Variants in PTPN13 observed in about 807,000 individuals in gnomAD.
PTPN13 encodes the protein tyrosine-protein phosphatase non-receptor type 13.
Under a neutral mutation model 284.0 loss-of-function variants are expected in PTPN13, and 191 were observed. That is an observed-to-expected ratio of 0.67 (90% CI 0.60 to 0.76). PTPN13 has a LOEUF of 0.76. Among genes scored for constraint, PTPN13 ranks in the 30% least tolerant of loss-of-function variants. The pLI is 0.00. For synonymous variants in PTPN13, 986 were observed against 1,022.3 expected (o/e 0.96, Z 0.68); for missense variants, 2,797 against 2,939.9 (o/e 0.95, Z 1.12).
intron 10 of PTPN13, among the ~76,000 whole-genome samples, chr4:86,724,074 T>A (rs1024989177): frequency 6.6e-6 from 1 of 152,220 alleles, no homozygotes; most frequent in Non-Finnish European, 1.5e-5. Context: ...GATGCTGTTA[T>A]ATGACTTTAT....
chr4:86,676,492 A>C (rs1728285675), intron 3 of PTPN13, among the ~76,000 whole-genome samples: 1 of 152,244 alleles, frequency 6.6e-6, no homozygotes, highest in Admixed American at 6.5e-5. Context: ...CATATGGTCC[A>C]GCAACTCCAC....
Position 86,774,492 on chromosome 4 carries a change from A to G in PTPN13, c.5469A>G (p.Lys1823=), listed in dbSNP as rs1740374985. Residue 1823 remains lysine, a synonymous_variant, in exon 33 of 48, where the codon AAA becomes AAG. Coordinates refer to ENST00000411767, the MANE Select transcript of PTPN13 (RefSeq NM_080683.3). ...ATGATGTCATACAGGATCCAGCCAA[A>G]AGTGATGGAAGGCTAAAACCTGGGG... is the stretch of plus-strand genomic sequence containing the variant. ...YVHDVIQDPA[K]SDGRLKPGDR... is the part of the protein sequence containing the mutation. 7.5e-6 allele frequency: 12 copies of G among 1,604,490 alleles called. No homozygotes were observed. Among genetic ancestry groups the G allele is most frequent in the Non-Finnish European group, 1.0e-5 (12 of 1,175,292 alleles).
intron 2 of PTPN13, among the ~76,000 whole-genome samples, chr4:86,638,938 A>C (rs964183477): frequency 1.3e-5 from 2 of 152,206 alleles, no homozygotes; most frequent in African/African-American, 4.8e-5. Flanking sequence ...TCATCTGACA[A>C]AGGGCTAATA....
At chr4:86,675,820 T>A (rs1728214094) in intron 3 of PTPN13, among the ~76,000 whole-genome samples, 1 of 152,160 alleles carries the variant, frequency 6.6e-6, no homozygotes, top group Non-Finnish European at 1.5e-5. Context: ...TGTACTTATT[T>A]GACAATTCCT....
At chr4:86,753,634 A>G (rs1408653134) in intron 20 of PTPN13, among the ~76,000 whole-genome samples, 1 of 152,128 alleles carries the variant, frequency 6.6e-6, no homozygotes, top group Non-Finnish European at 1.5e-5. Context: ...GAAGGAATCT[A>G]AGAAACAAAA....
intron 7 of PTPN13, among the ~76,000 whole-genome samples, chr4:86,711,729 T>G (rs1306936139): frequency 1.3e-5 from 2 of 152,180 alleles, no homozygotes; most frequent in Non-Finnish European, 2.9e-5. Context: ...AAAAGAAATT[T>G]GCAAACCAAC....
At chr4:86,805,025 G>A (rs1744500452) in intron 43 of PTPN13, among the ~76,000 whole-genome samples, 1 of 151,996 alleles carries the variant, frequency 6.6e-6, no homozygotes, top group Non-Finnish European at 1.5e-5. Context: ...TTAAACAGAA[G>A]TTAAAAATTA....
At chr4:86,754,741 A>G (rs1737781046) in intron 20 of PTPN13, among the ~76,000 whole-genome samples, 1 of 152,098 alleles carries the variant, frequency 6.6e-6, no homozygotes, top group African/African-American at 2.4e-5. Context: ...TTTAGCTTAG[A>G]TTATGATGAA....
At chr4:86,798,433 A>G (rs1275799324) in intron 41 of PTPN13, among the ~76,000 whole-genome samples, 1 of 152,228 alleles carries the variant, frequency 6.6e-6, no homozygotes, top group African/African-American at 2.4e-5. Flanking sequence ...ATGTCATCAG[A>G]TGAAAGTACT....
chr4:86,781,764 A>G (rs1243972561), intron 36 of PTPN13, among the ~76,000 whole-genome samples: 2 of 152,088 alleles, frequency 1.3e-5, no homozygotes, highest in Non-Finnish European at 2.9e-5. Context: ...GGAGATCAAG[A>G]CCATCCTGGC....
chr4:86,750,480 G>A lies in PTPN13; in HGVS notation c.2661G>A (p.Ser887=), dbSNP rs764785783. 6.2e-6 allele frequency: 10 copies of A among 1,612,494 alleles called. No individual in the cohort carries two copies. The highest frequency in any genetic ancestry group is 5.0e-5 in the Admixed American group (3 of 59,866). Residue 887 remains serine, a synonymous_variant, in exon 18 of 48, where the codon TCG becomes TCA. Coordinates refer to ENST00000411767, the MANE Select transcript of PTPN13 (RefSeq NM_080683.3). ...NQDAQDIERA[S]FRSLNLQAES... The stretch of plus-strand genomic sequence containing the variant: ...CCTATTTCCTTGTAGAGAGAGCTTC[G>A]TTTAGGAGCCTGAATCTCCAAGCAG...
chr4:86,596,526 T>C (rs1490793984), intron 1 of PTPN13, among the ~76,000 whole-genome samples: 1 of 152,236 alleles, frequency 6.6e-6, no homozygotes, highest in Non-Finnish European at 1.5e-5. Flanking sequence ...GCCTCCTAAA[T>C]ACGGTATGTG....
Position 86,638,980 on chromosome 4 carries a change from A to G in PTPN13, c.115+3609A>G, listed in dbSNP as rs550684854. ...ATCTACAATGAACTCAAACAAATTT[A>G]CAAGAAAAAAACAACCCCATCAAAA... On this transcript the variant is annotated intron_variant, in intron 2 of 47. Transcript: ENST00000411767. Among the ~76,000 whole-genome samples the G allele has an allele frequency of 4.1e-3, 624 of 152,332 alleles. 3 individuals are homozygous for G. Among genetic ancestry groups the G allele is most frequent in the African/African-American group, 0.014 (589 of 41,574 alleles).
Position 86,809,967 on chromosome 4 carries a change from A to G in PTPN13, c.7282A>G (p.Ile2428Val). Residue 2428 changes from isoleucine (I) to valine (V), a missense_variant, in exon 46 of 48, where the codon ATC (isoleucine) becomes GTC (valine). Ile to Val is a conservative substitution (Grantham distance 29, BLOSUM62 3). Transcript: ENST00000411767. Reference sequence around the variant, plus strand: ...TTGCATAGATGTGGTTCTGGGATTAATCAGTCAGGATCTTGATGTGAGTAC... The same window carrying G: ...TTGCATAGATGTGGTTCTGGGATTAGTCAGTCAGGATCTTGATGTGAGTAC... The part of the protein sequence containing the change: ...LICIDVVLGL[I>V]SQDLDFDISD... 1 of 1,613,790 alleles carries G rather than the reference A, an allele frequency of 6.2e-7. No individual in the cohort carries two copies. Among genetic ancestry groups the G allele is most frequent in the East Asian group, 2.2e-5 (1 of 44,892 alleles).
At chr4:86,608,164 CT>C (rs1216751499) in intron 1 of PTPN13, among the ~76,000 whole-genome samples, 1 of 151,866 alleles carries the variant, frequency 6.6e-6, no homozygotes, top group Non-Finnish European at 1.5e-5. Context: ...TTAATAAAAA[CT>C]TTCATTTAAA....
chr4:86,731,447 T>A (rs1042931727), intron 10 of PTPN13, among the ~76,000 whole-genome samples: 2 of 152,186 alleles, frequency 1.3e-5, no homozygotes, highest in Admixed American at 6.5e-5. Context: ...GGTCCTTTAT[T>A]TCCTGAAATA....
intron 2 of PTPN13, among the ~76,000 whole-genome samples, chr4:86,660,952 A>G (rs761996603): frequency 6.6e-6 from 1 of 152,112 alleles, no homozygotes; most frequent in Non-Finnish European, 1.5e-5. Context: ...TGTTACTTTT[A>G]CTCACTATAT....
At chr4:86,758,843 T>A in intron 22 of PTPN13, 58 bp downstream of exon 22, 1 of 1,589,122 alleles carries the variant, frequency 6.3e-7, no homozygotes, top group Non-Finnish European at 8.6e-7. Context: ...ATTTAGGAAC[T>A]TAGGCCAAAC....
chr4:86,646,655 T>A (rs1724462558), intron 2 of PTPN13, among the ~76,000 whole-genome samples: 1 of 152,210 alleles, frequency 6.6e-6, no homozygotes, highest in Non-Finnish European at 1.5e-5. Context: ...AGCTTTACAT[T>A]TGGGAAACTG....
Sources: gnomAD v4.1 joint callset for allele counts (sites outside exome capture counted in the v4.1 genomes callset) on GRCh38, gnomAD v4.1.1 for gene constraint, MANE v1.5 for transcripts, NCBI Gene and HGNC (gene_info 2026-07-23, HGNC 2026-07-21) for gene names.